CADM2: variants seen among roughly 807,000 people sequenced by gnomAD.
CADM2 encodes the protein immunoglobulin superfamily member 4D.
CADM2 carries 12 observed loss-of-function variants against 49.8 expected under a neutral mutation model. That is an observed-to-expected ratio of 0.24 (90% CI 0.15 to 0.39). The LOEUF (loss-of-function observed/expected upper bound fraction) is 0.39. Ranked by LOEUF, CADM2 falls within the 10% of genes least tolerant of loss-of-function variation. The probability of loss-of-function intolerance (pLI) is 1.00; values close to 1 mark genes in which losing one functional copy is unlikely to be tolerated. For missense variants in CADM2, 378 were observed against 492.3 expected (o/e 0.77, Z 2.20); for synonymous variants, 214 against 175.4 (o/e 1.22, Z -1.74).
intron 1 of CADM2, among the ~76,000 whole-genome samples, chr3:85,074,993 T>A (rs1161394792): frequency 6.6e-6 from 1 of 151,496 alleles, no homozygotes; most frequent in East Asian, 1.9e-4. Context: ...CATAGCTCAG[T>A]AAGCAACCTG....
intron 1 of CADM2, among the ~76,000 whole-genome samples, chr3:85,491,166 A>G (rs2039653796): frequency 6.6e-6 from 1 of 152,130 alleles, no homozygotes; most frequent in African/African-American, 2.4e-5. Context: ...TGATTGTGAT[A>G]TTTTGCTCAT....
At chr3:85,257,241 G>A (rs2042907710) in intron 1 of CADM2, among the ~76,000 whole-genome samples, 1 of 152,024 alleles carries the variant, frequency 6.6e-6, no homozygotes, top group African/African-American at 2.4e-5. Context: ...TATATGTAAA[G>A]CACCAAGGAG....
At chr3:85,769,676 A>G (rs1651319545) in intron 2 of CADM2, among the ~76,000 whole-genome samples, 1 of 145,436 alleles carries the variant, frequency 6.9e-6, no homozygotes, top group Admixed American at 7.1e-5. Flanking sequence ...ATATACACAT[A>G]TATACATATA....
At chr3:85,432,271 G>T (rs2036715965) in intron 1 of CADM2, among the ~76,000 whole-genome samples, 1 of 151,790 alleles carries the variant, frequency 6.6e-6, no homozygotes, top group Non-Finnish European at 1.5e-5. Flanking sequence ...ATAGAAGTGG[G>T]ATGCTAACAT....
At chr3:86,004,496 A>G (rs1207568785) in intron 8 of CADM2, among the ~76,000 whole-genome samples, 1 of 152,222 alleles carries the variant, frequency 6.6e-6, no homozygotes, top group Non-Finnish European at 1.5e-5. Flanking sequence ...CTCTGACACC[A>G]TGCTGTATTC....
rs146186347 is a variant in CADM2 at position 85,756,020 on chromosome 3, G to A, written c.88+29472G>A. Among the ~76,000 whole-genome samples, 537 of 152,220 alleles carry A rather than the reference G, an allele frequency of 3.5e-3. 20 individuals are homozygous for A. The East Asian group carries it at 0.072, about 21-fold the overall frequency. The stretch of plus-strand genomic sequence containing the variant: ...GCCCCTCCCTTGACACTCTCTAAGA[G>A]GCCACCATGACACACCTTGTTAGCA... On this transcript the variant is annotated intron_variant, in intron 2 of 9. Transcript: ENST00000383699.
At chr3:85,916,454 G>C (rs1233456161) in intron 6 of CADM2, among the ~76,000 whole-genome samples, 1 of 151,736 alleles carries the variant, frequency 6.6e-6, no homozygotes, top group Non-Finnish European at 1.5e-5. Flanking sequence ...AGTTTGCTGA[G>C]AATGATGGTT....
intron 1 of CADM2, among the ~76,000 whole-genome samples, chr3:85,631,280 G>A (rs534533448): frequency 6.6e-6 from 1 of 152,162 alleles, no homozygotes; most frequent in African/African-American, 2.4e-5. Flanking sequence ...GCTGTCCTAA[G>A]TGCTGAAGAT....
intron 1 of CADM2, among the ~76,000 whole-genome samples, chr3:85,361,921 G>A (rs773868999): frequency 6.6e-6 from 1 of 152,200 alleles, no homozygotes; most frequent in Non-Finnish European, 1.5e-5. Context: ...CAAGACATAT[G>A]TATTGTATTT....
chr3:85,665,611 G>C (rs1408833780), intron 1 of CADM2, among the ~76,000 whole-genome samples: 1 of 151,954 alleles, frequency 6.6e-6, no homozygotes, highest in East Asian at 1.9e-4. Context: ...ACCCTTTCCT[G>C]AGTGTTTTTA....
chr3:85,886,758 T>G (rs1393789928), intron 5 of CADM2, among the ~76,000 whole-genome samples: 1 of 152,126 alleles, frequency 6.6e-6, no homozygotes, highest in African/African-American at 2.4e-5. Flanking sequence ...TAAAACTGGT[T>G]AAACATCAAT....
At chr3:85,491,555 AG>A (rs2039673585) in intron 1 of CADM2, among the ~76,000 whole-genome samples, 1 of 152,146 alleles carries the variant, frequency 6.6e-6, no homozygotes, top group African/African-American at 2.4e-5. Flanking sequence ...CATTTTGAAA[AG>A]TTTATTTAAA....
At position 85,802,204 on chromosome 3, in the gene CADM2, C is replaced by A. The variant is rs1021081982; in HGVS notation, c.238+8C>A. On this transcript the variant is annotated splice_region_variant and intron_variant, in intron 3 of 9. Coordinates refer to ENST00000383699, the MANE Select transcript of CADM2 (RefSeq NM_001167675.2). ...ACTTTGACGACAAGAAAGGTGAATA[C>A]ATTTTCTTTCAAATGTTTTAATCGT... 1 of 1,598,398 alleles carries A rather than the reference C, an allele frequency of 6.3e-7. No homozygotes were observed. Among genetic ancestry groups the A allele is most frequent in the South Asian group, 1.1e-5 (1 of 88,248 alleles).
At chr3:85,622,090 T>A (rs2107492585) in intron 1 of CADM2, among the ~76,000 whole-genome samples, 1 of 152,336 alleles carries the variant, frequency 6.6e-6, no homozygotes, top group Admixed American at 6.5e-5. Context: ...ATGTGGATAG[T>A]CTATTTTCAT....
At chr3:85,237,298 A>G (rs1334508287) in intron 1 of CADM2, among the ~76,000 whole-genome samples, 1 of 151,868 alleles carries the variant, frequency 6.6e-6, no homozygotes. Context: ...AATTACCTAG[A>G]TGTGTCAGAG....
intron 6 of CADM2, among the ~76,000 whole-genome samples, chr3:85,922,546 T>C (rs1157663692): frequency 6.6e-6 from 1 of 152,088 alleles, no homozygotes; most frequent in South Asian, 2.1e-4. Flanking sequence ...ATGGTATATA[T>C]ACACAAATTG....
chr3:85,265,824 T>G (rs780355343), intron 1 of CADM2, among the ~76,000 whole-genome samples: 4 of 152,022 alleles, frequency 2.6e-5, no homozygotes, highest in Admixed American at 6.6e-5. Flanking sequence ...GAAAAGTAAT[T>G]CCTATTCATA....
chr3:85,699,621 G>A (rs555002714), intron 1 of CADM2, among the ~76,000 whole-genome samples: 1 of 152,324 alleles, frequency 6.6e-6, no homozygotes, highest in East Asian at 1.9e-4. Context: ...CAAAGCTGAA[G>A]CTAGAGCAGC....
chr3:85,724,536 C>T (rs9840195), intron 1 of CADM2, among the ~76,000 whole-genome samples: 5,705 of 151,602 alleles, frequency 0.038, 285 homozygotes, highest in African/African-American at 0.11. Flanking sequence ...CAAAATAGTT[C>T]CATACTTCAT....
Sources: gnomAD v4.1 joint callset for allele counts (sites outside exome capture counted in the v4.1 genomes callset) on GRCh38, gnomAD v4.1.1 for gene constraint, MANE v1.5 for transcripts, NCBI Gene and HGNC (gene_info 2026-07-23, HGNC 2026-07-21) for gene names.